NXPE4: variants seen among roughly 807,000 people sequenced by gnomAD.
NXPE4 encodes the protein NXPE family member 4.
NXPE4 carries 42 observed loss-of-function variants against 33.3 expected under a neutral mutation model. The observed-to-expected ratio is 1.26, with a 90% CI of 0.98 to 1.63. The LOEUF (loss-of-function observed/expected upper bound fraction) is 1.63, where lower values mean the gene tolerates loss of function less well. Among genes scored for constraint, NXPE4 ranks in the 40% most tolerant of loss-of-function variants. The pLI is 0.00. For missense variants in NXPE4, 709 were observed against 647.6 expected, an observed-to-expected ratio of 1.09 and a Z score of -1.03; for synonymous variants, 253 against 234.9, an observed-to-expected ratio of 1.08 and a Z score of -0.71.
At chr11:114,609,704 T>A in the NXPE4 span, among the ~76,000 whole-genome samples, 19 of 151,788 alleles carry the variant, frequency 1.3e-4, no homozygotes, top group East Asian at 2.7e-3. Flanking sequence ...GTAACCACTG[T>A]TACCCGGTGG....
chr11:114,617,331 C>T, the NXPE4 span, among the ~76,000 whole-genome samples: 1 of 152,076 alleles, frequency 6.6e-6, no homozygotes, highest in Non-Finnish European at 1.5e-5. Context: ...TGGGTAACCA[C>T]TCTTACCTGG....
In NXPE4 at chr11:114,571,017, G is replaced by A. The variant is rs1475528905; in HGVS notation, c.1556C>T (p.Ala519Val). 6.2e-7 allele frequency: 1 copy of A among 1,612,964 alleles called. No individual in the cohort carries two copies. The highest frequency in any genetic ancestry group is 8.5e-7 in the Non-Finnish European group (1 of 1,179,050). The change falls in exon 6 of 6, where the codon GCA (alanine) becomes GTA (valine). Residue 519 changes from alanine (A) to valine (V), a missense_variant. Physicochemically the swap from Ala to Val is moderately conservative, Grantham distance 64. Coordinates refer to ENST00000375478, the MANE Select transcript of NXPE4 (RefSeq NM_001077639.2). The stretch of plus-strand genomic sequence containing the variant: ...TGGGTGTACATTATTTGTGCCATAT[G>A]CAATTGTTATATCCCAGGCATCAAT... ...SIIDAWDITI[A>V]YGTNNVHPPQ...
chr11:114,604,680 C>T, the NXPE4 span, among the ~76,000 whole-genome samples: 1 of 152,028 alleles, frequency 6.6e-6, no homozygotes, highest in Non-Finnish European at 1.5e-5. Flanking sequence ...TCGTGGGTAA[C>T]CACAGTTACC....
the NXPE4 span, among the ~76,000 whole-genome samples, chr11:114,610,170 G>C: frequency 1.3e-5 from 2 of 151,634 alleles, no homozygotes; most frequent in Admixed American, 6.6e-5. Context: ...ACTGTTACCT[G>C]GTGGATAATA....
the NXPE4 span, among the ~76,000 whole-genome samples, chr11:114,621,901 A>T: frequency 6.6e-6 from 1 of 151,574 alleles, no homozygotes; most frequent in Non-Finnish European, 1.5e-5. Flanking sequence ...ATTTGTGGGT[A>T]ACCAGTTACC....
chr11:114,674,715 A>G, the NXPE4 span, among the ~76,000 whole-genome samples: 1 of 151,720 alleles, frequency 6.6e-6, no homozygotes, highest in Non-Finnish European at 1.5e-5. Flanking sequence ...CATGAATTCT[A>G]GTAAACATTA....
the NXPE4 span, among the ~76,000 whole-genome samples, chr11:114,650,820 C>G: frequency 1.3e-5 from 2 of 150,532 alleles, no homozygotes. Context: ...TTGCCAAAGA[C>G]AAAGGCTGGA....
chr11:114,612,565 C>T, the NXPE4 span, among the ~76,000 whole-genome samples: 3 of 151,906 alleles, frequency 2.0e-5, no homozygotes, highest in African/African-American at 4.8e-5. Context: ...CATGGGTAAC[C>T]ACTGTTACCC....
chr11:114,623,028 C>T, the NXPE4 span, among the ~76,000 whole-genome samples: 1 of 152,176 alleles, frequency 6.6e-6, no homozygotes, highest in South Asian at 2.1e-4. Flanking sequence ...TGCGGGAAAC[C>T]CCTGTTACCC....
At chr11:114,647,700 A>C in the NXPE4 span, among the ~76,000 whole-genome samples, 1 of 144,112 alleles carries the variant, frequency 6.9e-6, no homozygotes, top group African/African-American at 2.5e-5. Flanking sequence ...GACTTATTTT[A>C]TTTTATTTTT....
the NXPE4 span, among the ~76,000 whole-genome samples, chr11:114,642,089 A>G: frequency 2.0e-5 from 3 of 152,172 alleles, no homozygotes; most frequent in Non-Finnish European, 2.9e-5. Flanking sequence ...TTAACTTCCA[A>G]AGTGGAAAAG....
upstream of NXPE4, among the ~76,000 whole-genome samples, chr11:114,600,543 TGA>T (rs1321995763): frequency 6.6e-6 from 1 of 152,062 alleles, no homozygotes; most frequent in Non-Finnish European, 1.5e-5. Context: ...AGAAAAAAAT[TGA>T]GTGACGTTCT....
chr11:114,672,562 T>C, the NXPE4 span, among the ~76,000 whole-genome samples: 2 of 151,968 alleles, frequency 1.3e-5, no homozygotes, highest in Non-Finnish European at 2.9e-5. Context: ...CCAACTAACA[T>C]ATACTGCCTA....
chr11:114,644,815 G>C, the NXPE4 span, among the ~76,000 whole-genome samples: 1 of 150,962 alleles, frequency 6.6e-6, no homozygotes, highest in African/African-American at 2.4e-5. Context: ...CACCCTGCCA[G>C]ATATCAATTT....
At chr11:114,587,087 G>A (rs79949583) in intron 2 of NXPE4, among the ~76,000 whole-genome samples, 124 of 152,224 alleles carry the variant, frequency 8.1e-4, no homozygotes, top group African/African-American at 2.8e-3. Context: ...GCCCTTTGCG[G>A]AAACACTCTT....
the NXPE4 span, among the ~76,000 whole-genome samples, chr11:114,608,472 C>A: frequency 6.6e-6 from 1 of 151,808 alleles, no homozygotes; most frequent in Middle Eastern, 3.2e-3. Flanking sequence ...TAAGTATTGC[C>A]TTGTGGGTAA....
At chr11:114,593,450 A>G (rs1021015173) in intron 2 of NXPE4, among the ~76,000 whole-genome samples, 4 of 152,204 alleles carry the variant, frequency 2.6e-5, no homozygotes, top group African/African-American at 9.6e-5. Flanking sequence ...TCATCAGAGA[A>G]ACACAAATCA....
Position 114,582,989 on chromosome 11 carries a change from G to T in NXPE4, c.129C>A (p.Leu43=), listed in dbSNP as rs1399377594. ...VWSALNLSIS[L]HYWNNSTKSL... is the part of the protein sequence containing the mutation. ...ACTTTGTGGAGTTGTTCCAGTAATG[G>T]AGGGAGATGGATAAGTTTAGAGCAG... The change falls in exon 3 of 6, where the codon CTC becomes CTA. Residue 43 remains leucine, a synonymous_variant. Transcript: ENST00000375478. The T allele has an allele frequency of 1.1e-5, 18 of 1,613,386 alleles. No individual in the cohort carries two copies. Among genetic ancestry groups the T allele is most frequent in the Non-Finnish European group, 1.4e-5 (16 of 1,179,908 alleles).
At chr11:114,640,036 ATAT>A in the NXPE4 span, among the ~76,000 whole-genome samples, 7 of 119,028 alleles carry the variant, frequency 5.9e-5, no homozygotes, top group Admixed American at 9.9e-5. Flanking sequence ...TAACATAATT[ATAT>A]TATTTTATAA....
Sources: gnomAD v4.1 joint callset for allele counts (sites outside exome capture counted in the v4.1 genomes callset) on GRCh38, gnomAD v4.1.1 for gene constraint, MANE v1.5 for transcripts, NCBI Gene and HGNC (gene_info 2026-07-23, HGNC 2026-07-21) for gene names.